The following DENND4A variants were observed in gnomAD, a reference collection of about 807,000 sequenced individuals.
The protein encoded by DENND4A is DENN domain containing 4A.
DENND4A carries 70 observed loss-of-function variants against 199.3 expected under a neutral mutation model. The ratio of observed to expected loss-of-function variants is 0.35; its 90% CI spans 0.29 to 0.43. The LOEUF is 0.43. DENND4A is among the 20% of genes least tolerant of loss of function. DENND4A has a pLI of 1.00. For synonymous variants in DENND4A, 686 were observed against 766.9 expected, an observed-to-expected ratio of 0.89 and a Z score of 1.74; for missense variants, 1,723 against 2,255.8, an observed-to-expected ratio of 0.76 and a Z score of 4.78.
chr15:65,671,883 G>A lies in DENND4A; in HGVS notation c.4373C>T (p.Ser1458Phe), dbSNP rs1412959326. ...SLESSASLEG[S>F]LSKFALPGKS... The stretch of plus-strand genomic sequence containing the variant: ...CCCAGGTAAGGCAAACTTCGACAGA[G>A]ATCCTGTTCATTAGTGAAAAACAAA... The change falls in exon 25 of 33, where the codon TCT becomes TTT. Residue 1458 changes from serine (S) to phenylalanine (F), a missense_variant. Ser to Phe is a radical substitution (Grantham distance 155, BLOSUM62 -2). This residue lies in a region of DENND4A where 650 missense variants were observed against 738.1 expected (regional missense o/e 0.88). Coordinates refer to ENST00000443035, the MANE Select transcript of DENND4A (RefSeq NM_001320835.1). 3 of 1,589,468 alleles carry A rather than the reference G, an allele frequency of 1.9e-6. No individual in the cohort carries two copies. The highest frequency in any genetic ancestry group is 2.2e-5 in the East Asian group (1 of 44,730).
At chr15:65,698,579 C>A (rs1486580283) in intron 20 of DENND4A, among the ~76,000 whole-genome samples, 4 of 151,938 alleles carry the variant, frequency 2.6e-5, no homozygotes, top group African/African-American at 9.7e-5. Context: ...TAGATATTCA[C>A]TTTAATATCG....
chr15:65,706,184 A>C lies in DENND4A; in HGVS notation c.1994T>G (p.Leu665Arg), dbSNP rs2075042894. ...GTGTTCACTTTTGAAAGATTCATCC[A>C]GTTCTATAAGTCGTACTTCACCGCT... is the stretch of plus-strand genomic sequence containing the variant. ...DKSGEVRLIE[L>R]DESFKSEHTV... Residue 665 changes from leucine (L) to arginine (R), a missense_variant, in exon 15 of 33, where the codon CTG (leucine) becomes CGG (arginine). Physicochemically the swap from Leu to Arg is moderately radical, Grantham distance 102 (BLOSUM62 -2). This residue lies in a region of DENND4A where 725 missense variants were observed against 952.9 expected (regional missense o/e 0.76). Coordinates refer to ENST00000443035, the MANE Select transcript of DENND4A (RefSeq NM_001320835.1). 1 of 1,600,586 alleles carries C rather than the reference A, an allele frequency of 6.2e-7. No homozygotes were observed. Among genetic ancestry groups the C allele is most frequent in the Non-Finnish European group, 8.5e-7 (1 of 1,173,296 alleles).
intron 25 of DENND4A, among the ~76,000 whole-genome samples, chr15:65,670,699 TAAAC>T (rs751571026): frequency 2.8e-4 from 42 of 152,170 alleles, no homozygotes; most frequent in Non-Finnish European, 5.3e-4. Flanking sequence ...GATTAGAAAT[TAAAC>T]AAACAAAATG....
At chr15:65,748,591 C>T (rs914459066) in intron 4 of DENND4A, among the ~76,000 whole-genome samples, 2 of 150,158 alleles carry the variant, frequency 1.3e-5, no homozygotes, top group South Asian at 2.1e-4. Context: ...TGATGTACTC[C>T]AGCCTGGGTG....
intron 12 of DENND4A, chr15:65,719,194 T>C (rs2075523006): frequency 6.6e-6 from 1 of 152,286 alleles, no homozygotes; most frequent in Non-Finnish European, 1.5e-5. Context: ...GGCAGTGACA[T>C]TCCCTCTTGT....
chr15:65,689,785 GTCTC>G (rs1567007591), intron 23 of DENND4A, among the ~76,000 whole-genome samples: 3 of 152,098 alleles, frequency 2.0e-5, no homozygotes, highest in African/African-American at 7.2e-5. Flanking sequence ...CTTCAATTTT[GTCTC>G]TCTAACCCAC....
In DENND4A at chr15:65,664,667, C is replaced by T; in HGVS notation, c.5415G>A (p.Gln1805=). Reference sequence around the variant, plus strand: ...TTTTTACCATACTTTTCAACAGTTCCTGGTTAAATGAGTTATCACTTTTTT... The same window carrying T: ...TTTTTACCATACTTTTCAACAGTTCTTGGTTAAATGAGTTATCACTTTTTT... ...LLQKSDNSFN[Q]ELLKSMVKSI... is the part of the protein sequence containing the mutation. The change falls in exon 31 of 33, where the codon CAG becomes CAA. Residue 1805 remains glutamine, a synonymous_variant. Coordinates refer to ENST00000443035, the MANE Select transcript of DENND4A (RefSeq NM_001320835.1). The T allele has an allele frequency of 1.9e-6, 3 of 1,612,956 alleles. No homozygotes were observed. The highest frequency in any genetic ancestry group is 1.7e-6 in the Non-Finnish European group (2 of 1,179,348).
At chr15:65,732,897 A>C in intron 7 of DENND4A, 79 bp from the exon 8 acceptor site, 1 of 822,784 alleles carries the variant, frequency 1.2e-6, no homozygotes, top group Non-Finnish European at 2.0e-6. Flanking sequence ...TCACAAGTCC[A>C]AGTTGAGTCA....
chr15:65,702,774 ATAGT>A (rs773817414), intron 16 of DENND4A, 95 bp downstream of exon 16: 32 of 1,156,604 alleles, frequency 2.8e-5, no homozygotes, highest in Non-Finnish European at 3.5e-5. Flanking sequence ...TAATCTAGTA[ATAGT>A]TATATATGAA....
chr15:65,681,203 C>T (rs1386031853), intron 23 of DENND4A: 1 of 152,198 alleles, frequency 6.6e-6, no homozygotes, highest in Non-Finnish European at 1.5e-5. Context: ...TTGCTATTTT[C>T]ACCATATCTG....
intron 13 of DENND4A, among the ~76,000 whole-genome samples, chr15:65,716,008 A>C (rs1436235399): frequency 6.6e-5 from 10 of 152,070 alleles, no homozygotes; most frequent in Non-Finnish European, 1.3e-4. Flanking sequence ...AGCAGCAGTA[A>C]CATTCCCTCG....
intron 15 of DENND4A, among the ~76,000 whole-genome samples, chr15:65,704,779 C>T (rs774707839): frequency 2.6e-4 from 40 of 151,772 alleles, no homozygotes; most frequent in African/African-American, 8.9e-4. Flanking sequence ...TTAGCAGAGA[C>T]AGGGTTTTCA....
intron 4 of DENND4A, among the ~76,000 whole-genome samples, chr15:65,743,441 T>G (rs4539547): frequency 0.2 from 30,107 of 152,110 alleles, 4,007 homozygotes; most frequent in East Asian, 0.73. Flanking sequence ...TTAACTTCCT[T>G]ACTGCCTTCA....
chr15:65,702,724 G>A, intron 16 of DENND4A, 149 bp downstream of exon 16: 1 of 906,872 alleles, frequency 1.1e-6, no homozygotes, highest in East Asian at 2.5e-5. Flanking sequence ...ATTTCTTGAA[G>A]TCAGATTGCT....
chr15:65,776,442 TAA>T (rs2077285290), intron 1 of DENND4A, among the ~76,000 whole-genome samples: 2 of 152,236 alleles, frequency 1.3e-5, no homozygotes, highest in South Asian at 4.1e-4. Context: ...TGAAATAATT[TAA>T]GTTTCCTACT....
intron 6 of DENND4A, 120 bp from the exon 7 acceptor site, chr15:65,738,065 C>T (rs2140448742): frequency 2.1e-6 from 2 of 960,436 alleles, no homozygotes; most frequent in South Asian, 3.5e-5. Context: ...GTATTAAGAA[C>T]ACAGTGATGA....
intron 4 of DENND4A, among the ~76,000 whole-genome samples, chr15:65,751,936 A>G (rs1187091897): frequency 6.6e-6 from 1 of 152,120 alleles, no homozygotes; most frequent in Non-Finnish European, 1.5e-5. Context: ...TGAGATCAAG[A>G]AGTTTTGCAA....
At chr15:65,663,212 ATT>A (rs1195563437) in intron 32 of DENND4A, among the ~76,000 whole-genome samples, 4 of 97,262 alleles carry the variant, frequency 4.1e-5, no homozygotes, top group Admixed American at 1.1e-4. Flanking sequence ...TTTTTTTTTT[ATT>A]TTTTTTTTTG....
chr15:65,695,102 T>A (rs1247426579), intron 22 of DENND4A, among the ~76,000 whole-genome samples: 4 of 152,224 alleles, frequency 2.6e-5, no homozygotes, highest in African/African-American at 9.6e-5. Flanking sequence ...AAAAATTTTT[T>A]AATGTTTCTG....
Sources: gnomAD v4.1 joint callset for allele counts (sites outside exome capture counted in the v4.1 genomes callset) on GRCh38, gnomAD v4.1.1 for gene constraint, gnomAD v4.1.1 regional missense constraint, MANE v1.5 for transcripts, NCBI Gene and HGNC (gene_info 2026-07-23, HGNC 2026-07-21) for gene names.